Variants in CDH13 observed in about 807,000 individuals in gnomAD.
The protein encoded by CDH13 is cadherin-13.
CDH13 carries 24 observed loss-of-function variants against 63.8 expected under a neutral mutation model. The observed-to-expected ratio is 0.38, with a 90% CI of 0.27 to 0.53. CDH13 has a LOEUF of 0.53. Among genes scored for constraint, CDH13 ranks in the 20% least tolerant of loss-of-function variants. The probability of loss-of-function intolerance (pLI) is 0.85; values close to 1 mark genes in which losing one functional copy is unlikely to be tolerated. For synonymous variants in CDH13, 503 were observed against 355.3 expected, an observed-to-expected ratio of 1.42 and a Z score of -4.67; for missense variants, 1,049 against 903.1, an observed-to-expected ratio of 1.16 and a Z score of -2.07.
At chr16:83,678,939 G>A (rs3784944) in intron 10 of CDH13, among the ~76,000 whole-genome samples, 1 of 152,070 alleles carries the variant, frequency 6.6e-6, no homozygotes, top group African/African-American at 2.4e-5. Context: ...AGAGGAATCA[G>A]GATGGAAACA....
At chr16:82,950,385 T>G (rs533181466) in intron 2 of CDH13, among the ~76,000 whole-genome samples, 99 of 152,224 alleles carry the variant, frequency 6.5e-4, no homozygotes, top group African/African-American at 2.3e-3. Flanking sequence ...AATCTCATCT[T>G]GAATTGTAGC....
At chr16:83,370,244 C>G (rs989124975) in intron 6 of CDH13, among the ~76,000 whole-genome samples, 5 of 151,830 alleles carry the variant, frequency 3.3e-5, no homozygotes, top group East Asian at 1.9e-4. Flanking sequence ...AAAAATTAGC[C>G]GGGTGCGGTG....
chr16:83,024,467 A>T (rs2151460425), intron 2 of CDH13, among the ~76,000 whole-genome samples: 1 of 152,290 alleles, frequency 6.6e-6, no homozygotes. Context: ...ACATTCATCT[A>T]GAAAGACTGG....
chr16:83,344,591 G>C (rs1037829355), intron 5 of CDH13, among the ~76,000 whole-genome samples: 2 of 152,122 alleles, frequency 1.3e-5, no homozygotes, highest in African/African-American at 4.8e-5. Context: ...TATGTTTTGA[G>C]TTTTTTTGTT....
At chr16:83,072,565 A>C (rs1187974581) in intron 3 of CDH13, among the ~76,000 whole-genome samples, 2 of 152,200 alleles carry the variant, frequency 1.3e-5, no homozygotes, top group Non-Finnish European at 2.9e-5. Flanking sequence ...CAATGGGATC[A>C]CAAACTTGAA....
At chr16:82,929,087 G>A (rs1402357251) in intron 2 of CDH13, among the ~76,000 whole-genome samples, 1 of 152,060 alleles carries the variant, frequency 6.6e-6, no homozygotes, top group Non-Finnish European at 1.5e-5. Flanking sequence ...TAAATGATTA[G>A]ATCACCTTTA....
intron 7 of CDH13, among the ~76,000 whole-genome samples, chr16:83,536,642 T>A (rs1206521026): frequency 6.6e-6 from 1 of 152,132 alleles, no homozygotes; most frequent in Admixed American, 6.5e-5. Context: ...TATGGAGATA[T>A]ATACAGAGAT....
chr16:82,674,183 T>A (rs2150949867), intron 1 of CDH13, among the ~76,000 whole-genome samples: 1 of 152,266 alleles, frequency 6.6e-6, no homozygotes, highest in Middle Eastern at 3.4e-3. Context: ...TTTCAATAAA[T>A]CTTCACCCCT....
intron 6 of CDH13, among the ~76,000 whole-genome samples, chr16:83,355,414 T>C (rs1243868166): frequency 6.6e-6 from 1 of 152,212 alleles, no homozygotes; most frequent in African/African-American, 2.4e-5. Context: ...GCAACACAGT[T>C]AAGACCAGGA....
At chr16:83,632,390 A>G (rs1476058211) in intron 8 of CDH13, among the ~76,000 whole-genome samples, 2 of 152,110 alleles carry the variant, frequency 1.3e-5, no homozygotes, top group African/African-American at 4.8e-5. Flanking sequence ...CACTTACAGA[A>G]TAGGGATTTT....
chr16:82,810,698 G>C (rs1322230907), intron 1 of CDH13, among the ~76,000 whole-genome samples: 1 of 151,986 alleles, frequency 6.6e-6, no homozygotes, highest in Non-Finnish European at 1.5e-5. Flanking sequence ...CATGGGATTG[G>C]GGGGTGCTCC....
chr16:83,779,836 C>T (rs556042954), intron 11 of CDH13, 132 bp from the exon 12 acceptor site: 21 of 632,434 alleles, frequency 3.3e-5, no homozygotes, highest in East Asian at 1.4e-4. Flanking sequence ...CCAGTCTGGG[C>T]GATAGAGTGA....
At chr16:83,346,965 T>C (rs190637984) in intron 6 of CDH13, among the ~76,000 whole-genome samples, 1 of 152,338 alleles carries the variant, frequency 6.6e-6, no homozygotes, top group Admixed American at 6.5e-5. Context: ...TATGGATTCA[T>C]TGTTTTCTTT....
At chr16:82,749,892 A>G (rs1452341446) in intron 1 of CDH13, among the ~76,000 whole-genome samples, 1 of 152,054 alleles carries the variant, frequency 6.6e-6, no homozygotes, top group Admixed American at 6.6e-5. Flanking sequence ...TTTGCCAATG[A>G]CTGAATGAAA....
intron 10 of CDH13, among the ~76,000 whole-genome samples, chr16:83,718,708 C>G (rs769486317): frequency 3.3e-5 from 5 of 152,262 alleles, no homozygotes; most frequent in East Asian, 3.9e-4. Context: ...TTGGTCTTAG[C>G]CAGCTTGGCC....
intron 1 of CDH13, among the ~76,000 whole-genome samples, chr16:82,652,167 T>A (rs759629377): frequency 6.6e-6 from 1 of 152,172 alleles, no homozygotes; most frequent in African/African-American, 2.4e-5. Context: ...GTCATCAGAT[T>A]GTAGAGTTGG....
chr16:83,279,532 G>A (rs188272375), intron 5 of CDH13, among the ~76,000 whole-genome samples: 42 of 152,182 alleles, frequency 2.8e-4, no homozygotes, highest in African/African-American at 1.0e-3. Flanking sequence ...GCTAAAAATG[G>A]GTATTAAATC....
chr16:82,726,731 G>A (rs1311038482), intron 1 of CDH13, among the ~76,000 whole-genome samples: 1 of 152,236 alleles, frequency 6.6e-6, no homozygotes, highest in East Asian at 1.9e-4. Context: ...GAGATTAAGT[G>A]CCTTAAACAG....
intron 1 of CDH13, among the ~76,000 whole-genome samples, chr16:82,820,654 T>C (rs1174745178): frequency 6.6e-6 from 1 of 152,212 alleles, no homozygotes; most frequent in Non-Finnish European, 1.5e-5. Flanking sequence ...GCACTAAGGC[T>C]ATAGAAATGA....
Sources: allele counts gnomAD v4.1 joint callset (sites outside exome capture counted in the v4.1 genomes callset), GRCh38; gene constraint gnomAD v4.1.1; transcripts MANE v1.5; gene names NCBI Gene and HGNC (gene_info 2026-07-23, HGNC 2026-07-21).